Variants in RAB33B observed in about 807,000 individuals in gnomAD.
RAB33B encodes the protein ras-related protein Rab-33B.
A neutral mutation model predicts 15.0 loss-of-function variants in RAB33B; 6 were observed. The observed-to-expected ratio is 0.40, with a 90% CI of 0.22 to 0.79. The LOEUF (loss-of-function observed/expected upper bound fraction) is 0.79. Ranked by LOEUF, RAB33B falls within the 30% of genes least tolerant of loss-of-function variation. The probability of loss-of-function intolerance (pLI) is 0.37; values close to 1 mark genes in which losing one functional copy is unlikely to be tolerated. For missense variants in RAB33B, 257 were observed against 296.4 expected (o/e 0.87, Z 0.98); for synonymous variants, 117 against 108.3 (o/e 1.08, Z -0.50).
chr4:139,475,780 T>A lies in RAB33B; in HGVS notation c.*2654T>A, dbSNP rs1158416680. On this transcript the variant is annotated 3_prime_UTR_variant, in exon 2 of 2. Coordinates refer to ENST00000305626, the MANE Select transcript of RAB33B (RefSeq NM_031296.3). ...TACCCCAGAATCTAATGTAGTTCGC[T>A]ATTAATAACAATGCATTATTGAAAG... The A allele has an allele frequency of 6.6e-6, 1 of 152,204 alleles. No individual in the cohort carries two copies. The highest frequency in any genetic ancestry group is 1.5e-5 in the Non-Finnish European group (1 of 68,004). The allele number at this position is 152,204 out of a possible 1,614,324, so 9.4% of individuals were successfully genotyped here. A position where few individuals can be genotyped will look rare whatever the true frequency, so the allele number is the denominator to read the frequency against.
intron 1 of RAB33B, among the ~76,000 whole-genome samples, chr4:139,460,438 C>T (rs1750151831): frequency 1.3e-5 from 2 of 152,156 alleles, no homozygotes; most frequent in South Asian, 4.1e-4. Context: ...AGATGACATT[C>T]AGTGAATGCT....
chr4:139,452,944 A>C (rs1041897624), upstream of RAB33B: 1 of 152,224 alleles, frequency 6.6e-6, no homozygotes, highest in Non-Finnish European at 1.5e-5. Flanking sequence ...GCAAAACAAA[A>C]CAAACTTTTA....
chr4:139,462,219 A>G (rs1750187304), intron 1 of RAB33B, among the ~76,000 whole-genome samples: 1 of 151,850 alleles, frequency 6.6e-6, no homozygotes, highest in South Asian at 2.1e-4. Flanking sequence ...ACGCCCGGCT[A>G]ACTTTTTGTA....
At chr4:139,448,453 A>T (rs1272660670), upstream of RAB33B, 2 of 151,412 alleles carry the variant, frequency 1.3e-5, no homozygotes, top group African/African-American at 2.4e-5. Context: ...TTTTTTTTTG[A>T]GATGGAGCCT....
chr4:139,471,385 C>T (rs1707300946), intron 1 of RAB33B, among the ~76,000 whole-genome samples: 1 of 152,196 alleles, frequency 6.6e-6, no homozygotes, highest in African/African-American at 2.4e-5. Context: ...CTCTGTACCA[C>T]ACCGCTGCTG....
chr4:139,444,355 G>T, the RAB33B span, among the ~76,000 whole-genome samples: 1 of 152,172 alleles, frequency 6.6e-6, no homozygotes, highest in Non-Finnish European at 1.5e-5. Flanking sequence ...ATATTGGGAT[G>T]GTGGAGTGGA....
chr4:139,449,359 A>C (rs1324120364), upstream of RAB33B: 1 of 152,188 alleles, frequency 6.6e-6, no homozygotes, highest in South Asian at 2.1e-4. Context: ...GTTTAAGTTG[A>C]CAAGTGGTGG....
intron 1 of RAB33B, among the ~76,000 whole-genome samples, chr4:139,464,438 T>C (rs1422780906): frequency 7.3e-6 from 1 of 137,452 alleles, no homozygotes; most frequent in East Asian, 2.4e-4. Flanking sequence ...GGGTATTCAA[T>C]GTGCAGGTTT....
the RAB33B span, among the ~76,000 whole-genome samples, chr4:139,445,937 C>T: frequency 1.3e-5 from 2 of 152,152 alleles, no homozygotes; most frequent in African/African-American, 2.4e-5. Context: ...CAGCTTTTGG[C>T]CTGTTACTGG....
At chr4:139,470,530 C>G (rs755801855) in intron 1 of RAB33B, among the ~76,000 whole-genome samples, 1 of 152,230 alleles carries the variant, frequency 6.6e-6, no homozygotes, top group Non-Finnish European at 1.5e-5. Context: ...CAAAGGCCCC[C>G]CTGTGGCCAT....
upstream of RAB33B, chr4:139,452,019 G>A (rs1339835417): frequency 6.6e-6 from 1 of 152,194 alleles, no homozygotes; most frequent in Non-Finnish European, 1.5e-5. Flanking sequence ...TCAGTCACAT[G>A]AGGACACTCT....
intron 1 of RAB33B, among the ~76,000 whole-genome samples, chr4:139,458,940 A>T (rs1229721535): frequency 6.6e-6 from 1 of 152,156 alleles, no homozygotes; most frequent in Non-Finnish European, 1.5e-5. Flanking sequence ...CTTTTTAATA[A>T]TAGCCCTTCT....
At chr4:139,462,474 G>C (rs904456869) in intron 1 of RAB33B, among the ~76,000 whole-genome samples, 1 of 152,132 alleles carries the variant, frequency 6.6e-6, no homozygotes, top group Non-Finnish European at 1.5e-5. Context: ...TTCCATCCCT[G>C]ATTAACTATT....
intron 1 of RAB33B, among the ~76,000 whole-genome samples, chr4:139,458,298 C>A (rs1338717250): frequency 6.6e-6 from 1 of 151,578 alleles, no homozygotes; most frequent in African/African-American, 2.4e-5. Flanking sequence ...TTTTTTAACA[C>A]GTTTATTTTA....
At chr4:139,459,656 CAA>C (rs1346376829) in intron 1 of RAB33B, among the ~76,000 whole-genome samples, 1 of 144,842 alleles carries the variant, frequency 6.9e-6, no homozygotes, top group Non-Finnish European at 1.5e-5. Flanking sequence ...TCTTTTGAGA[CAA>C]AGTCTTGCTC....
rs1477838659 is a variant in RAB33B at position 139,473,782 on chromosome 4, T to C, written c.*656T>C. On this transcript the variant is annotated 3_prime_UTR_variant, in exon 2 of 2. Transcript: ENST00000305626. ...TAAGAAGGCATAGAATGTTTTCTGG[T>C]TCCCAGTCCATAAAGAATGACTTTT... 1 of 152,166 alleles carries C rather than the reference T, an allele frequency of 6.6e-6. No individual in the cohort carries two copies. The highest frequency in any genetic ancestry group is 2.4e-5 in the African/African-American group (1 of 41,452). The allele number at this position is 152,166 out of a possible 1,614,324, so 9.4% of individuals were successfully genotyped here.
At chr4:139,441,779 C>T in the RAB33B span, among the ~76,000 whole-genome samples, 21 of 152,258 alleles carry the variant, frequency 1.4e-4, no homozygotes, top group Admixed American at 9.8e-4. Flanking sequence ...GTGAAACCGT[C>T]GTAAATCAGG....
chr4:139,456,614 A>G (rs1320134259), intron 1 of RAB33B, among the ~76,000 whole-genome samples: 1 of 152,222 alleles, frequency 6.6e-6, no homozygotes, highest in African/African-American at 2.4e-5. Context: ...GATTATTTCT[A>G]CTGAACTTTA....
chr4:139,443,251 C>T, the RAB33B span, among the ~76,000 whole-genome samples: 1 of 152,182 alleles, frequency 6.6e-6, no homozygotes, highest in Admixed American at 6.5e-5. Context: ...CTCGGCCTCC[C>T]AAAGTGCTGC....
Sources: allele counts gnomAD v4.1 joint callset (sites outside exome capture counted in the v4.1 genomes callset), GRCh38; gene constraint gnomAD v4.1.1; transcripts MANE v1.5; gene names NCBI Gene and HGNC (gene_info 2026-07-23, HGNC 2026-07-21).